FBN1: variants seen among roughly 807,000 people sequenced by gnomAD.
FBN1 encodes the protein fibrillin-1.
FBN1 carries 29 observed loss-of-function variants against 365.1 expected under a neutral mutation model. That is an observed-to-expected ratio of 0.08 (90% CI 0.06 to 0.11). The LOEUF is 0.11. Among genes scored for constraint, FBN1 ranks in the 10% least tolerant of loss-of-function variants. The pLI is 1.00. For synonymous variants in FBN1, 1,210 were observed against 1,270.5 expected, an observed-to-expected ratio of 0.95 and a Z score of 1.01; for missense variants, 2,476 against 3,703.2, an observed-to-expected ratio of 0.67 and a Z score of 8.60.
At position 48,515,451 on chromosome 15, in the gene FBN1, A is replaced by T. The variant is rs2043792694; in HGVS notation, c.1404T>A (p.Thr468=). 6.2e-7 allele frequency: 1 copy of T among 1,614,040 alleles called. No homozygotes were observed. Among genetic ancestry groups the T allele is most frequent in the East Asian group, 2.2e-5 (1 of 44,888 alleles). The change falls in exon 12 of 66, where the codon ACT becomes ACA. Residue 468 remains threonine, a synonymous_variant. Coordinates refer to ENST00000316623, the MANE Select transcript of FBN1 (RefSeq NM_000138.5). ...YLCQNGRCIP[T]PGSYRCECNK... ...TGCACTCACACCGGTAACTCCCAGG[A>T]GTTGGAATGCAGCGTCCATTTTGAC...
rs1024696247 is a variant in FBN1, at chr15:48,554,553, C to A, written c.539-16745G>T. Among the ~76,000 whole-genome samples the A allele has an allele frequency of 3.9e-5, 6 of 152,144 alleles. No individual in the cohort carries two copies. In the South Asian group the frequency reaches 1.2e-3, roughly 32 times the overall value. ...GTAATAAAATCTATGATAGAGGTTA[C>A]CTCCCTGTGGAGAAGCAGGAAAGAG... On this transcript the variant is annotated intron_variant, in intron 6 of 65. Transcript: ENST00000316623.
At chr15:48,428,940 C>G (rs924467301) in intron 56 of FBN1, among the ~76,000 whole-genome samples, 1 of 152,130 alleles carries the variant, frequency 6.6e-6, no homozygotes, top group Non-Finnish European at 1.5e-5. Context: ...GAAAAGCAAC[C>G]AATTCTGGGG....
At chr15:48,497,153 A>G (rs1231982994) in intron 19 of FBN1, 113 bp downstream of exon 19, 2 of 1,211,026 alleles carry the variant, frequency 1.7e-6, no homozygotes, top group South Asian at 1.2e-5. Flanking sequence ...TCCGAAGTAT[A>G]AAGTGTCCAT....
At chr15:48,505,570 G>A (rs1408788872) in intron 15 of FBN1, among the ~76,000 whole-genome samples, 1 of 152,138 alleles carries the variant, frequency 6.6e-6, no homozygotes, top group South Asian at 2.1e-4. Context: ...ACCCAGACTG[G>A]CATCACTTCT....
At chr15:48,590,751 T>C (rs1027915311) in intron 6 of FBN1, among the ~76,000 whole-genome samples, 1 of 152,260 alleles carries the variant, frequency 6.6e-6, no homozygotes, top group South Asian at 2.1e-4. Context: ...GCTTCTCTAA[T>C]GAACTAAGGA....
chr15:48,456,834 A>T, intron 43 of FBN1, 72 bp from the exon 44 acceptor site: 13 of 988,248 alleles, frequency 1.3e-5, no homozygotes, highest in East Asian at 3.7e-5. Context: ...ACAAGATGGA[A>T]AGTGCGTGCG....
chr15:48,488,020 G>C, intron 27 of FBN1, 93 bp downstream of exon 27: 2 of 1,528,570 alleles, frequency 1.3e-6, no homozygotes. Flanking sequence ...GTTGCACTGG[G>C]GCAGCAGGAA....
At chr15:48,543,363 A>G (rs561527306) in intron 6 of FBN1, among the ~76,000 whole-genome samples, 4 of 152,340 alleles carry the variant, frequency 2.6e-5, no homozygotes, top group South Asian at 2.1e-4. Flanking sequence ...TACAAGGCCT[A>G]TTTAGCATCA....
chr15:48,542,457 G>C (rs1203763284), intron 6 of FBN1, among the ~76,000 whole-genome samples: 1 of 152,066 alleles, frequency 6.6e-6, no homozygotes, highest in Non-Finnish European at 1.5e-5. Context: ...GGAACATTAG[G>C]CTCCTAATGT....
At chr15:48,607,081 A>AC (rs2044618877) in intron 4 of FBN1, among the ~76,000 whole-genome samples, 1 of 152,170 alleles carries the variant, frequency 6.6e-6, no homozygotes, top group African/African-American at 2.4e-5. Context: ...TGTTGTTTAT[A>AC]AGTTATCCAG....
In FBN1 at chr15:48,434,637, G is replaced by A; in HGVS notation, c.6573C>T (p.Thr2191=). The A allele has an allele frequency of 1.2e-6, 2 of 1,613,778 alleles. No individual in the cohort carries two copies. Among genetic ancestry groups the A allele is most frequent in the Non-Finnish European group, 1.7e-6 (2 of 1,179,780 alleles). Residue 2191 remains threonine, a synonymous_variant, in exon 54 of 66, where the codon ACC becomes ACT. Transcript: ENST00000316623. ...CKNVIGGFEC[T]CEEGFEPGPM... Reference sequence around the variant, plus strand: ...GACCGGGCTCAAATCCCTCCTCGCAGGTGCATTCAAAACCTCCAATCACAT... The same window carrying A: ...GACCGGGCTCAAATCCCTCCTCGCAAGTGCATTCAAAACCTCCAATCACAT...
intron 6 of FBN1, among the ~76,000 whole-genome samples, chr15:48,540,968 G>C (rs1181859550): frequency 1.3e-5 from 2 of 152,000 alleles, no homozygotes; most frequent in African/African-American, 4.8e-5. Flanking sequence ...CAAGGTTCAG[G>C]ATAGATACAA....
intron 36 of FBN1, 65 bp downstream of exon 36, chr15:48,470,569 A>T: frequency 6.2e-7 from 1 of 1,608,988 alleles, no homozygotes; most frequent in Non-Finnish European, 8.5e-7. Flanking sequence ...AGTCCCAGGG[A>T]GGCTCCAATA....
intron 4 of FBN1, among the ~76,000 whole-genome samples, chr15:48,606,103 G>A (rs74624654): frequency 0.017 from 2,550 of 152,114 alleles, 64 homozygotes; most frequent in African/African-American, 0.059. Flanking sequence ...AGAGAAACTG[G>A]GTCATTCATA....
In FBN1 at chr15:48,513,537, C is replaced by T; in HGVS notation, c.1588+12G>A. 6.2e-7 allele frequency: 1 copy of T among 1,613,930 alleles called. No homozygotes were observed. The highest frequency in any genetic ancestry group is 8.5e-7 in the Non-Finnish European group (1 of 1,179,866). Reference sequence around the variant, plus strand: ...TATGTCCCACATTCCACGTCAGGAGCCAGGACCATACCTCGGCATTCTGTC... The same window carrying T: ...TATGTCCCACATTCCACGTCAGGAGTCAGGACCATACCTCGGCATTCTGTC... On this transcript the variant is annotated intron_variant, in intron 13 of 65. Transcript: ENST00000316623.
chr15:48,557,591 G>A (rs891365822), intron 6 of FBN1, among the ~76,000 whole-genome samples: 1 of 152,208 alleles, frequency 6.6e-6, no homozygotes, highest in Admixed American at 6.5e-5. Flanking sequence ...TACAACGGGC[G>A]TGTCAGCGAC....
chr15:48,624,960 C>G (rs952649424), intron 2 of FBN1, among the ~76,000 whole-genome samples: 1 of 152,172 alleles, frequency 6.6e-6, no homozygotes, highest in African/African-American at 2.4e-5. Context: ...AAACCAAGAG[C>G]TCTGTCCAGG....
chr15:48,411,735 A>G (rs1428429144), intron 65 of FBN1, among the ~76,000 whole-genome samples: 2 of 152,372 alleles, frequency 1.3e-5, no homozygotes, highest in East Asian at 3.9e-4. Flanking sequence ...ATGTCTCCCA[A>G]CAATCAATTT....
chr15:48,490,746 AG>A (rs1193704507), intron 24 of FBN1, among the ~76,000 whole-genome samples: 1 of 152,240 alleles, frequency 6.6e-6, no homozygotes, highest in Non-Finnish European at 1.5e-5. Context: ...AGCAGAGCAG[AG>A]GTCAGAAGAG....
Sources: gnomAD v4.1 joint callset for allele counts (sites outside exome capture counted in the v4.1 genomes callset) on GRCh38, gnomAD v4.1.1 for gene constraint, MANE v1.5 for transcripts, NCBI Gene and HGNC (gene_info 2026-07-23, HGNC 2026-07-21) for gene names.